The following CELF1 variants were observed in gnomAD, a reference collection of about 807,000 sequenced individuals.
CELF1 encodes CUGBP Elav-like family member 1.
CELF1 carries 10 observed loss-of-function variants against 61.8 expected under a neutral mutation model. The observed-to-expected ratio is 0.16, with a 90% CI of 0.10 to 0.27. The LOEUF (loss-of-function observed/expected upper bound fraction) is 0.27. Ranked by LOEUF, CELF1 falls within the 10% of genes least tolerant of loss-of-function variation. CELF1 has a pLI of 1.00. For missense variants in CELF1, 380 were observed against 639.1 expected, an observed-to-expected ratio of 0.59 and a Z score of 4.37; for synonymous variants, 236 against 225.1, an observed-to-expected ratio of 1.05 and a Z score of -0.43.
intron 1 of CELF1, chr11:47,513,948 A>C (rs1322343871): frequency 7.3e-6 from 1 of 136,272 alleles, no homozygotes; most frequent in African/African-American, 2.7e-5. Flanking sequence ...TTTTCCCCCC[A>C]GATGGAGTCT....
In CELF1 at chr11:47,484,540, G is replaced by GA; in HGVS notation, c.392-18dup. 1 of 1,596,110 alleles carries GA rather than the reference G, an allele frequency of 6.3e-7. No individual in the cohort carries two copies. Among genetic ancestry groups the GA allele is most frequent in the South Asian group, 1.1e-5 (1 of 88,478 alleles). On this transcript the variant is annotated splice_polypyrimidine_tract_variant and intron_variant, in intron 6 of 14. Coordinates refer to ENST00000687097, the MANE Select transcript of CELF1 (RefSeq NM_001376376.1). ...CTTCCACTGCTAAGAGAGTAAAACA[G>GA]AAAAGACTTGAATATTACTACTTAA...
chr11:47,501,652 T>TA (rs1162043428), intron 1 of CELF1, among the ~76,000 whole-genome samples: 1 of 150,848 alleles, frequency 6.6e-6, no homozygotes, highest in African/African-American at 2.4e-5. Flanking sequence ...CCATCTCTAC[T>TA]AAAAAATATC....
chr11:47,494,416 C>T (rs2092643198), intron 3 of CELF1: 5 of 983,624 alleles, frequency 5.1e-6, no homozygotes, highest in Non-Finnish European at 4.8e-6. Context: ...GAGGTTACTT[C>T]GTCTACCTTG....
intron 1 of CELF1, among the ~76,000 whole-genome samples, chr11:47,515,741 T>C (rs577494819): frequency 6.6e-6 from 1 of 152,122 alleles, no homozygotes; most frequent in Non-Finnish European, 1.5e-5. Flanking sequence ...TTCATTCCCA[T>C]TTTTCAGATG....
chr11:47,543,305 G>A (rs2096856640), intron 1 of CELF1, among the ~76,000 whole-genome samples: 1 of 152,076 alleles, frequency 6.6e-6, no homozygotes, highest in Non-Finnish European at 1.5e-5. Flanking sequence ...GGAGGCTGAG[G>A]TGGGGAAGAA....
At chr11:47,495,646 AG>A (rs1323675982) in intron 3 of CELF1, among the ~76,000 whole-genome samples, 1 of 152,196 alleles carries the variant, frequency 6.6e-6, no homozygotes, top group African/African-American at 2.4e-5. Flanking sequence ...AGTAGAAAGG[AG>A]GTACATGTAG....
intron 1 of CELF1, among the ~76,000 whole-genome samples, chr11:47,541,216 A>G (rs1388787173): frequency 6.6e-6 from 1 of 152,232 alleles, no homozygotes; most frequent in African/African-American, 2.4e-5. Flanking sequence ...AAAAAAGACA[A>G]TCTACTCACA....
At chr11:47,521,849 A>G (rs1484291191) in intron 1 of CELF1, among the ~76,000 whole-genome samples, 1 of 152,146 alleles carries the variant, frequency 6.6e-6, no homozygotes, top group Non-Finnish European at 1.5e-5. Flanking sequence ...CAACAGGTTC[A>G]TCTGTTTACT....
At chr11:47,565,314 C>A in exon 1 of CELF1, 1 of 188,448 alleles carries the variant, frequency 5.3e-6, no homozygotes. Flanking sequence ...GGGAGGTCAC[C>A]GGCCACAGGC....
chr11:47,537,595 A>AT (rs112686688), intron 1 of CELF1, among the ~76,000 whole-genome samples: 4 of 151,864 alleles, frequency 2.6e-5, no homozygotes, highest in Non-Finnish European at 5.9e-5. Context: ...AGCTGCTTAC[A>AT]TTTTTTTTCC....
intron 6 of CELF1, 95 bp downstream of exon 6, chr11:47,486,655 G>T: frequency 2.0e-6 from 2 of 979,634 alleles, no homozygotes; most frequent in Non-Finnish European, 3.3e-6. Context: ...CAATCCATCT[G>T]TCTTGGCCTC....
intron 13 of CELF1, among the ~76,000 whole-genome samples, chr11:47,473,972 A>T (rs1407760179): frequency 3.9e-5 from 6 of 151,964 alleles, no homozygotes; most frequent in African/African-American, 9.7e-5. Context: ...AGTGGCGTGA[A>T]CTCAGGTCAC....
intron 1 of CELF1, among the ~76,000 whole-genome samples, chr11:47,516,632 G>A (rs1250171143): frequency 3.3e-5 from 5 of 150,054 alleles, no homozygotes; most frequent in Admixed American, 1.3e-4. Context: ...ACAGAGTCTC[G>A]CTCTGTCGCC....
chr11:47,528,098 C>T (rs2096317446), intron 1 of CELF1, among the ~76,000 whole-genome samples: 1 of 150,522 alleles, frequency 6.6e-6, no homozygotes, highest in Non-Finnish European at 1.5e-5. Context: ...ATCTGTCCCC[C>T]ATCCCCCCAC....
chr11:47,542,463 T>C (rs2096833442), intron 1 of CELF1, among the ~76,000 whole-genome samples: 1 of 150,142 alleles, frequency 6.7e-6, no homozygotes, highest in Non-Finnish European at 1.5e-5. Flanking sequence ...ATGCAATCAC[T>C]AAAAAAACCT....
chr11:47,482,207 A>AAAATAAATAAAT (rs55860292), intron 9 of CELF1, among the ~76,000 whole-genome samples: 75 of 150,312 alleles, frequency 5.0e-4, no homozygotes, highest in African/African-American at 1.6e-3. Context: ...TCCGTCTCAA[A>AAAATAAATAAAT]AAATAAATAA....
intron 12 of CELF1, 120 bp from the exon 13 acceptor site, chr11:47,475,641 T>TA (rs1305384089): frequency 3.2e-6 from 3 of 934,636 alleles, no homozygotes; most frequent in East Asian, 5.1e-5. Context: ...ATCTCCCTCT[T>TA]AGTTTCTCCC....
chr11:47,490,715 G>A (rs2091023035), intron 3 of CELF1, among the ~76,000 whole-genome samples: 1 of 151,782 alleles, frequency 6.6e-6, no homozygotes, highest in Non-Finnish European at 1.5e-5. Context: ...GTGAAGCACT[G>A]CACCCAGCCA....
intron 3 of CELF1, among the ~76,000 whole-genome samples, chr11:47,495,295 C>T (rs958222852): frequency 6.6e-6 from 1 of 152,136 alleles, no homozygotes; most frequent in African/African-American, 2.4e-5. Flanking sequence ...CAAAAGGCCA[C>T]ATAGTATATG....
Sources: allele counts gnomAD v4.1 joint callset (sites outside exome capture counted in the v4.1 genomes callset), GRCh38; gene constraint gnomAD v4.1.1; transcripts MANE v1.5; gene names NCBI Gene and HGNC (gene_info 2026-07-23, HGNC 2026-07-21).